The following ST6GALNAC3 variants were observed in gnomAD, a reference collection of about 807,000 sequenced individuals.
ST6GALNAC3 encodes ST6 N-acetylgalactosaminide alpha-2,6-sialyltransferase 3, also known as alpha-N-acetylgalactosaminide alpha-2,6-sialyltransferase 3.
ST6GALNAC3 carries 25 observed loss-of-function variants against 32.7 expected under a neutral mutation model. The ratio of observed to expected loss-of-function variants is 0.76; its 90% CI spans 0.56 to 1.07. The LOEUF is 1.07. Ranked by LOEUF, ST6GALNAC3 falls within the 50% of genes least tolerant of loss-of-function variation. ST6GALNAC3 has a pLI of 0.00. For missense variants in ST6GALNAC3, 355 were observed against 382.4 expected, an observed-to-expected ratio of 0.93 and a Z score of 0.60; for synonymous variants, 129 against 133.1, an observed-to-expected ratio of 0.97 and a Z score of 0.21.
intron 1 of ST6GALNAC3, among the ~76,000 whole-genome samples, chr1:76,111,826 C>T (rs1408893106): frequency 6.6e-6 from 1 of 151,680 alleles, no homozygotes; most frequent in African/African-American, 2.4e-5. Context: ...GAAAAGTCTC[C>T]CATGTCTACC....
chr1:76,459,260 C>T (rs1046634513), intron 3 of ST6GALNAC3, among the ~76,000 whole-genome samples: 8 of 152,104 alleles, frequency 5.3e-5, no homozygotes, highest in Non-Finnish European at 1.0e-4. Flanking sequence ...GCCCAGTATA[C>T]AGAGAAATAT....
At chr1:76,508,962 T>C (rs1172610334) in intron 3 of ST6GALNAC3, among the ~76,000 whole-genome samples, 2 of 152,120 alleles carry the variant, frequency 1.3e-5, no homozygotes, top group South Asian at 2.1e-4. Context: ...GTAAGGACAA[T>C]ATGCATTTAG....
intron 1 of ST6GALNAC3, among the ~76,000 whole-genome samples, chr1:76,104,233 T>C (rs1571156946): frequency 6.6e-6 from 1 of 152,338 alleles, no homozygotes; most frequent in East Asian, 1.9e-4. Flanking sequence ...TACAATTTTT[T>C]ACAGATATAA....
chr1:76,313,438 G>A (rs1646805310), intron 1 of ST6GALNAC3, among the ~76,000 whole-genome samples: 1 of 152,150 alleles, frequency 6.6e-6, no homozygotes, highest in Admixed American at 6.6e-5. Flanking sequence ...AGAGTGGATA[G>A]GTTGGGGGTC....
chr1:76,541,467 C>T (rs187775570), intron 3 of ST6GALNAC3, among the ~76,000 whole-genome samples: 4 of 152,296 alleles, frequency 2.6e-5, no homozygotes, highest in Admixed American at 6.5e-5. Flanking sequence ...ACCGCATCTT[C>T]CTCCTAAAAT....
chr1:76,563,260 G>T (rs1665352906), intron 3 of ST6GALNAC3, among the ~76,000 whole-genome samples: 1 of 152,186 alleles, frequency 6.6e-6, no homozygotes, highest in East Asian at 1.9e-4. Flanking sequence ...GGGGAGAAAG[G>T]GATGTTAGGC....
intron 1 of ST6GALNAC3, among the ~76,000 whole-genome samples, chr1:76,296,508 C>T (rs916726128): frequency 6.6e-6 from 1 of 152,126 alleles, no homozygotes; most frequent in Admixed American, 6.6e-5. Flanking sequence ...AATTCTCAAT[C>T]TGCAAATTCC....
chr1:76,553,432 G>C (rs530560573), intron 3 of ST6GALNAC3, among the ~76,000 whole-genome samples: 5 of 152,092 alleles, frequency 3.3e-5, no homozygotes, highest in African/African-American at 9.7e-5. Flanking sequence ...ACTCAGGCCC[G>C]TGCCATATAA....
chr1:76,628,387 A>T (rs1053693205), intron 4 of ST6GALNAC3, among the ~76,000 whole-genome samples: 2 of 151,994 alleles, frequency 1.3e-5, no homozygotes, highest in African/African-American at 4.8e-5. Context: ...CATATGTTTG[A>T]ATGTAATTGG....
At chr1:76,587,779 G>A (rs1334964835) in intron 3 of ST6GALNAC3, among the ~76,000 whole-genome samples, 1 of 152,136 alleles carries the variant, frequency 6.6e-6, no homozygotes, top group Non-Finnish European at 1.5e-5. Context: ...ACTTCCAATG[G>A]ATCAAGAGAC....
chr1:76,141,601 G>A (rs1198262168), intron 1 of ST6GALNAC3, among the ~76,000 whole-genome samples: 1 of 151,864 alleles, frequency 6.6e-6, no homozygotes, highest in East Asian at 1.9e-4. Context: ...TTTACTTATA[G>A]CAAAAAAAGC....
intron 1 of ST6GALNAC3, among the ~76,000 whole-genome samples, chr1:76,148,791 A>G (rs1340314995): frequency 6.6e-6 from 1 of 152,202 alleles, no homozygotes. Context: ...TTTCTAATAC[A>G]GCTTTTCCAC....
At chr1:76,357,130 C>CTTTTTTTTTTTTTTTTTTTTTTATTTTTT (rs55786044) in intron 2 of ST6GALNAC3, among the ~76,000 whole-genome samples, 1 of 111,188 alleles carries the variant, frequency 9.0e-6, no homozygotes, top group Non-Finnish European at 1.7e-5. Flanking sequence ...TTTTCTTTTT[C>CTTTTTTTTTTTTTTTTTTTTTTATTTTTT]TTTTTTTTTT....
chr1:76,176,930 C>G (rs1360902297), intron 1 of ST6GALNAC3, among the ~76,000 whole-genome samples: 2 of 152,100 alleles, frequency 1.3e-5, no homozygotes, highest in Non-Finnish European at 2.9e-5. Flanking sequence ...CTGGTTAATG[C>G]CTGGTGCAGT....
intron 1 of ST6GALNAC3, among the ~76,000 whole-genome samples, chr1:76,214,665 T>G (rs1655357690): frequency 6.6e-6 from 1 of 152,224 alleles, no homozygotes; most frequent in Non-Finnish European, 1.5e-5. Context: ...TTGCAGTTCT[T>G]GCACACAGTA....
chr1:76,096,703 G>A (rs1647137804), intron 1 of ST6GALNAC3, among the ~76,000 whole-genome samples: 1 of 151,826 alleles, frequency 6.6e-6, no homozygotes, highest in Admixed American at 6.6e-5. Context: ...CCGTTAACAA[G>A]GTGAGGACAG....
In ST6GALNAC3 at chr1:76,473,375, A is replaced by T. The variant is rs149855458; in HGVS notation, c.623+60958A>T. ...TGGCATTTGCTTCCACAGGTGGGAC[A>T]TTTCTAGGTGGTGACAAATCTGAGA... On this transcript the variant is annotated intron_variant, in intron 3 of 4. Coordinates refer to ENST00000328299, the MANE Select transcript of ST6GALNAC3 (RefSeq NM_152996.4). 6.9e-3 allele frequency among the ~76,000 whole-genome samples: 1,044 copies of T among 152,270 alleles called. 10 individuals carry two copies. Among genetic ancestry groups the T allele is most frequent in the South Asian group, 0.02 (97 of 4,820 alleles).
chr1:76,494,468 T>TATATACACACAC (rs1472545640), intron 3 of ST6GALNAC3, among the ~76,000 whole-genome samples: 6 of 59,526 alleles, frequency 1.0e-4, no homozygotes, highest in Admixed American at 2.2e-4. Context: ...TATATATATA[T>TATATACACACAC]ACACACACAC....
At chr1:76,610,637 A>G (rs947213450) in intron 3 of ST6GALNAC3, among the ~76,000 whole-genome samples, 3 of 152,122 alleles carry the variant, frequency 2.0e-5, no homozygotes, top group Non-Finnish European at 2.9e-5. Flanking sequence ...TTTTAAAAAC[A>G]CTTTCTTTGA....
Sources: allele counts gnomAD v4.1 joint callset (sites outside exome capture counted in the v4.1 genomes callset), GRCh38; gene constraint gnomAD v4.1.1; transcripts MANE v1.5; gene names NCBI Gene and HGNC (gene_info 2026-07-23, HGNC 2026-07-21).